The following ABCA12 variants were observed in gnomAD, a reference collection of about 807,000 sequenced individuals.
ABCA12 encodes the protein ATP binding cassette subfamily A member 12, also known as glucosylceramide transporter ABCA12.
ABCA12 carries 156 observed loss-of-function variants against 293.5 expected under a neutral mutation model. The observed-to-expected ratio is 0.53, with a 90% confidence interval of 0.47 to 0.61. The LOEUF (loss-of-function observed/expected upper bound fraction) is 0.61, where lower values mean the gene tolerates loss of function less well. ABCA12 is among the 20% of genes least tolerant of loss of function. ABCA12 has a pLI of 0.00. For synonymous variants in ABCA12, 1,063 were observed against 1,108.0 expected, an observed-to-expected ratio of 0.96 and a Z score of 0.81; for missense variants, 2,797 against 3,090.2, an observed-to-expected ratio of 0.91 and a Z score of 2.25.
intron 8 of ABCA12, among the ~76,000 whole-genome samples, chr2:215,033,043 A>G (rs1012626985): frequency 4.3e-4 from 65 of 152,348 alleles, no homozygotes; most frequent in African/African-American, 1.4e-3. Context: ...ACGTTTGTAC[A>G]GCCCCTGCTA....
intron 7 of ABCA12, among the ~76,000 whole-genome samples, chr2:215,045,600 A>G (rs1464616756): frequency 6.6e-6 from 1 of 152,204 alleles, no homozygotes; most frequent in Admixed American, 6.5e-5. Flanking sequence ...CAGTAACAAT[A>G]CAACAGTTAG....
At chr2:214,942,844 T>G in intron 50 of ABCA12, 81 bp downstream of exon 50, 293 of 1,212,708 alleles carry the variant, frequency 2.4e-4, no homozygotes, top group Non-Finnish European at 3.2e-4. Flanking sequence ...CTTAGGCTGC[T>G]GAGATAATCC....
chr2:214,971,693 T>C (rs1357999816), intron 36 of ABCA12, among the ~76,000 whole-genome samples: 1 of 152,218 alleles, frequency 6.6e-6, no homozygotes, highest in Non-Finnish European at 1.5e-5. Context: ...TTTGTTTATA[T>C]ACTACTGTGG....
At chr2:215,131,466 G>A (rs1055393537) in intron 1 of ABCA12, among the ~76,000 whole-genome samples, 1 of 151,686 alleles carries the variant, frequency 6.6e-6, no homozygotes, top group Non-Finnish European at 1.5e-5. Context: ...AATCTTGGGG[G>A]TTGTATGTTT....
chr2:215,118,332 A>T (rs1385227878), intron 1 of ABCA12, among the ~76,000 whole-genome samples: 3 of 151,912 alleles, frequency 2.0e-5, no homozygotes, highest in Non-Finnish European at 4.4e-5. Context: ...AACCCAAGAG[A>T]TGGAGGTTGC....
intron 11 of ABCA12, 29 bp downstream of exon 11, chr2:215,025,640 GTTTT>G: frequency 8.2e-7 from 1 of 1,222,564 alleles, no homozygotes; most frequent in Non-Finnish European, 1.1e-6. Flanking sequence ...TTTTTTTTTT[GTTTT>G]TTGTTTTTTT....
chr2:215,034,895 T>C (rs1420918573), intron 8 of ABCA12, among the ~76,000 whole-genome samples: 1 of 152,146 alleles, frequency 6.6e-6, no homozygotes, highest in East Asian at 1.9e-4. Context: ...ACCATTATAT[T>C]AGAGAGAATC....
At chr2:215,072,411 T>C (rs1040808830) in intron 2 of ABCA12, among the ~76,000 whole-genome samples, 1 of 152,186 alleles carries the variant, frequency 6.6e-6, no homozygotes, top group Non-Finnish European at 1.5e-5. Context: ...GGCTTATTGC[T>C]ATTATTATTT....
At chr2:215,018,266 G>T (rs1700550473) in intron 13 of ABCA12, 134 bp from the exon 14 acceptor site, 2 of 1,023,160 alleles carry the variant, frequency 2.0e-6, no homozygotes, top group Admixed American at 2.4e-5. Context: ...CCCAGTTTTG[G>T]CAAACGTTGC....
intron 1 of ABCA12, among the ~76,000 whole-genome samples, chr2:215,127,118 A>C (rs1407054202): frequency 5.3e-5 from 8 of 152,050 alleles, no homozygotes; most frequent in Non-Finnish European, 1.2e-4. Flanking sequence ...CTCCTTTTGG[A>C]GTTCATTTCC....
intron 2 of ABCA12, among the ~76,000 whole-genome samples, chr2:215,103,355 G>T (rs1387871752): frequency 1.4e-5 from 2 of 141,234 alleles, no homozygotes; most frequent in Non-Finnish European, 3.0e-5. Flanking sequence ...TGCAACGTCT[G>T]CCTCCTGGGT....
chr2:215,007,020 C>T (rs201856944), intron 19 of ABCA12, among the ~76,000 whole-genome samples: 13 of 151,882 alleles, frequency 8.6e-5, no homozygotes, highest in South Asian at 2.1e-4. Context: ...GGATTACAGG[C>T]GCCCGCCACC....
chr2:214,987,880 G>T, intron 26 of ABCA12, 87 bp from the exon 27 acceptor site: 1 of 1,501,618 alleles, frequency 6.7e-7, no homozygotes, highest in African/African-American at 1.4e-5. Flanking sequence ...CCTATGTATG[G>T]TTTAGGAAGT....
intron 8 of ABCA12, among the ~76,000 whole-genome samples, chr2:215,034,408 A>G (rs1424122746): frequency 1.3e-5 from 2 of 152,176 alleles, no homozygotes; most frequent in Non-Finnish European, 2.9e-5. Context: ...GGTAGAAATC[A>G]GAGTGTGGAG....
intron 2 of ABCA12, among the ~76,000 whole-genome samples, chr2:215,083,016 C>T (rs1039957135): frequency 6.6e-6 from 1 of 151,828 alleles, no homozygotes; most frequent in African/African-American, 2.4e-5. Flanking sequence ...TAATTTCAAG[C>T]CCCACACTCT....
intron 2 of ABCA12, among the ~76,000 whole-genome samples, chr2:215,103,507 T>C (rs1000125835): frequency 3.3e-5 from 5 of 151,988 alleles, no homozygotes; most frequent in African/African-American, 1.2e-4. Context: ...TGACCTCAGG[T>C]GATCCACCCA....
intron 11 of ABCA12, among the ~76,000 whole-genome samples, chr2:215,020,392 A>G (rs1700602633): frequency 6.6e-6 from 1 of 152,150 alleles, no homozygotes; most frequent in Non-Finnish European, 1.5e-5. Flanking sequence ...TGAGGATACT[A>G]TGCTAAGTGA....
At position 215,019,578 on chromosome 2, in the gene ABCA12, C is replaced by T. The variant is rs751992778; in HGVS notation, c.1506G>A (p.Leu502=). Residue 502 remains leucine, a synonymous_variant, in exon 12 of 53, where the codon CTG becomes CTA. Transcript: ENST00000272895. ...NVISKKVRDL[L]TGDPSKINLN... ...AATTAATTTTGCTTGGATCTCCAGT[C>T]AGCAAATCTCTCACTTTTTTAGATA... The T allele has an allele frequency of 3.7e-6, 6 of 1,614,084 alleles. No homozygotes were observed. In the African/African-American group the frequency reaches 6.7e-5, roughly 18 times the overall value.
At chr2:214,988,309 T>C (rs1455280403) in intron 26 of ABCA12, among the ~76,000 whole-genome samples, 1 of 152,228 alleles carries the variant, frequency 6.6e-6, no homozygotes, top group Non-Finnish European at 1.5e-5. Flanking sequence ...TGTCTTATTA[T>C]TGTAAGTGTA....
Sources: gnomAD v4.1 joint callset for allele counts (sites outside exome capture counted in the v4.1 genomes callset) on GRCh38, gnomAD v4.1.1 for gene constraint, MANE v1.5 for transcripts, NCBI Gene and HGNC (gene_info 2026-07-23, HGNC 2026-07-21) for gene names.